The following RANBP2 variants were observed in gnomAD, a reference collection of about 807,000 sequenced individuals.
RANBP2 encodes RAN binding protein 2.
RANBP2 carries 57 observed loss-of-function variants against 303.6 expected under a neutral mutation model. The ratio of observed to expected loss-of-function variants is 0.19; its 90% CI spans 0.15 to 0.23. RANBP2 has a LOEUF of 0.23. Among genes scored for constraint, RANBP2 ranks in the 10% least tolerant of loss-of-function variants. RANBP2 has a pLI of 1.00. For synonymous variants in RANBP2, 1,167 were observed against 1,301.5 expected (o/e 0.90, Z 2.23); for missense variants, 3,138 against 3,780.8 (o/e 0.83, Z 4.46).
At chr2:109,704,743 C>T in the RANBP2 span, among the ~76,000 whole-genome samples, 5 of 151,932 alleles carry the variant, frequency 3.3e-5, no homozygotes, top group Non-Finnish European at 7.4e-5. Context: ...CCCAGCTACT[C>T]GGGAGGCTGA....
the RANBP2 span, among the ~76,000 whole-genome samples, chr2:109,709,236 G>T: frequency 6.6e-6 from 1 of 151,104 alleles, no homozygotes; most frequent in African/African-American, 2.4e-5. Flanking sequence ...AACCCGGAAG[G>T]CAGAGGTTGC....
chr2:109,387,860 G>A, the RANBP2 span, among the ~76,000 whole-genome samples: 1 of 87,646 alleles, frequency 1.1e-5, no homozygotes, highest in Non-Finnish European at 2.0e-5. Context: ...CAGATGGTTG[G>A]GGGGGGGGTC....
chr2:109,332,519 G>C, the RANBP2 span, among the ~76,000 whole-genome samples: 9 of 152,200 alleles, frequency 5.9e-5, no homozygotes, highest in African/African-American at 2.2e-4. Context: ...CAGGATGTGT[G>C]AGGAACAGAG....
At chr2:109,671,942 C>T in the RANBP2 span, among the ~76,000 whole-genome samples, 1 of 150,576 alleles carries the variant, frequency 6.6e-6, no homozygotes, top group Non-Finnish European at 1.5e-5. Flanking sequence ...TTTCTCATCA[C>T]CATCATCTAG....
the RANBP2 span, chr2:108,873,520 G>T: frequency 6.2e-7 from 1 of 1,612,270 alleles, no homozygotes; most frequent in Non-Finnish European, 8.5e-7. Flanking sequence ...GTGCTGCTTC[G>T]AGCCCCTAAG....
At chr2:108,988,783 T>A in the RANBP2 span, among the ~76,000 whole-genome samples, 38 of 152,284 alleles carry the variant, frequency 2.5e-4, no homozygotes, top group Non-Finnish European at 2.5e-4. Context: ...AAAGGAACAA[T>A]CTCAGGTCTT....
At chr2:109,631,097 A>C in the RANBP2 span, among the ~76,000 whole-genome samples, 1 of 152,178 alleles carries the variant, frequency 6.6e-6, no homozygotes, top group African/African-American at 2.4e-5. Flanking sequence ...GAAAGTATCC[A>C]AGATTAATAA....
the RANBP2 span, among the ~76,000 whole-genome samples, chr2:109,703,713 G>A: frequency 1.6e-4 from 24 of 152,370 alleles, no homozygotes; most frequent in African/African-American, 5.5e-4. Flanking sequence ...ACACGCGTGA[G>A]CCACCACGCC....
At chr2:109,402,398 G>A in the RANBP2 span, among the ~76,000 whole-genome samples, 46,625 of 152,232 alleles carry the variant, frequency 0.31, 8,455 homozygotes, top group Non-Finnish European at 0.41. Flanking sequence ...GTGGCACTTC[G>A]GCTTTGATCA....
At chr2:109,106,605 G>C in the RANBP2 span, among the ~76,000 whole-genome samples, 1 of 152,094 alleles carries the variant, frequency 6.6e-6, no homozygotes, top group African/African-American at 2.4e-5. Context: ...GGGAGGCTAA[G>C]ATGGGTGGAT....
At chr2:109,102,909 A>T in the RANBP2 span, among the ~76,000 whole-genome samples, 1 of 152,176 alleles carries the variant, frequency 6.6e-6, no homozygotes, top group African/African-American at 2.4e-5. Flanking sequence ...GGCTTTGGGA[A>T]GTGGGGTGCT....
At chr2:109,208,611 A>G in the RANBP2 span, among the ~76,000 whole-genome samples, 108,176 of 152,166 alleles carry the variant, frequency 0.71, 38,691 homozygotes, top group East Asian at 0.89. Context: ...CATATTTGTA[A>G]GCAGTCATTT....
chr2:109,325,331 CTTTTTTTTTTTTTTTT>C, the RANBP2 span, among the ~76,000 whole-genome samples: 8 of 66,274 alleles, frequency 1.2e-4, no homozygotes, highest in African/African-American at 4.7e-4. Context: ...TTCTTTCTTT[CTTTTTTTTTTTTTTTT>C]TTTTTTTTTT....
the RANBP2 span, among the ~76,000 whole-genome samples, chr2:109,321,330 A>C: frequency 6.6e-6 from 1 of 152,248 alleles, no homozygotes; most frequent in African/African-American, 2.4e-5. Context: ...TGTGGCATGC[A>C]GATTGCCTCT....
chr2:108,863,334 C>G, the RANBP2 span, among the ~76,000 whole-genome samples: 2 of 152,118 alleles, frequency 1.3e-5, no homozygotes, highest in African/African-American at 4.8e-5. Flanking sequence ...TGGAAAAATT[C>G]CCTTTAGGAA....
chr2:109,085,859 C>T, the RANBP2 span, among the ~76,000 whole-genome samples: 1 of 152,230 alleles, frequency 6.6e-6, no homozygotes, highest in African/African-American at 2.4e-5. Context: ...CCCACCTTGG[C>T]CTCCCAAAGT....
At chr2:109,358,731 C>T in the RANBP2 span, among the ~76,000 whole-genome samples, 1 of 152,156 alleles carries the variant, frequency 6.6e-6, no homozygotes, top group African/African-American at 2.4e-5. Context: ...CAGTCTGTAG[C>T]GTGTCTTCTC....
the RANBP2 span, among the ~76,000 whole-genome samples, chr2:109,386,254 A>G: frequency 1.3e-5 from 2 of 152,224 alleles, no homozygotes; most frequent in African/African-American, 4.8e-5. Context: ...AGGATGGCCT[A>G]GCCCCTGTGG....
the RANBP2 span, among the ~76,000 whole-genome samples, chr2:109,107,332 T>A: frequency 6.6e-6 from 1 of 151,742 alleles, no homozygotes; most frequent in Admixed American, 6.6e-5. Context: ...CAGGTCCAGA[T>A]GTAGTTTGAA....
Sources: allele counts gnomAD v4.1 joint callset (sites outside exome capture counted in the v4.1 genomes callset), GRCh38; gene constraint gnomAD v4.1.1; transcripts MANE v1.5; gene names NCBI Gene and HGNC (gene_info 2026-07-23, HGNC 2026-07-21).